The following SSPN variants were observed in gnomAD, a reference collection of about 807,000 sequenced individuals.
SSPN encodes the protein K-ras oncogene-associated protein.
SSPN carries 15 observed loss-of-function variants against 19.1 expected under a neutral mutation model. The observed-to-expected ratio is 0.78, with a 90% CI of 0.52 to 1.21. The LOEUF is 1.21. SSPN is among the 50% of genes most tolerant of loss of function. SSPN has a pLI of 0.00. For missense variants in SSPN, 291 were observed against 314.0 expected, an observed-to-expected ratio of 0.93 and a Z score of 0.55; for synonymous variants, 147 against 140.3, an observed-to-expected ratio of 1.05 and a Z score of -0.34.
chr12:26,152,984 C>T (rs1000882241), intron 1 of SSPN, among the ~76,000 whole-genome samples: 13 of 152,292 alleles, frequency 8.5e-5, no homozygotes, highest in Admixed American at 2.0e-4. Flanking sequence ...GCACTTGTTC[C>T]CTCTGCCAGG....
At chr12:26,174,475 GCTTCCTTC>G (rs763960839) in intron 1 of SSPN, among the ~76,000 whole-genome samples, 2 of 121,998 alleles carry the variant, frequency 1.6e-5, no homozygotes, top group South Asian at 3.2e-4. Context: ...TGCTACCCAC[GCTTCCTTC>G]CTTCCTTCCT....
upstream of SSPN, among the ~76,000 whole-genome samples, chr12:26,191,916 A>C (rs903402288): frequency 2.0e-5 from 3 of 152,154 alleles, no homozygotes; most frequent in South Asian, 6.2e-4. Context: ...CTTGATATAG[A>C]CCTTGGAAAT....
At chr12:26,151,420 C>T (rs1944524780) in intron 1 of SSPN, among the ~76,000 whole-genome samples, 1 of 152,158 alleles carries the variant, frequency 6.6e-6, no homozygotes. Flanking sequence ...TTTTCTCTTG[C>T]TGTTACCCAG....
chr12:26,185,230 T>C (rs1944745300), intron 1 of SSPN, among the ~76,000 whole-genome samples: 1 of 152,332 alleles, frequency 6.6e-6, no homozygotes, highest in East Asian at 1.9e-4. Context: ...AAACATTTAT[T>C]GAGTGCCTAA....
chr12:26,196,640 G>A (rs187706770), intron 1 of SSPN, among the ~76,000 whole-genome samples: 1 of 152,152 alleles, frequency 6.6e-6, no homozygotes. Flanking sequence ...AGCATACTTG[G>A]CTTGATTAAA....
chr12:26,158,392 G>A (rs183634196), intron 1 of SSPN, among the ~76,000 whole-genome samples: 5 of 151,976 alleles, frequency 3.3e-5, no homozygotes, highest in Admixed American at 1.3e-4. Flanking sequence ...ATATGTCAGC[G>A]TAGGGGCCTA....
At chr12:26,199,611 A>G (rs1218388039) in intron 1 of SSPN, among the ~76,000 whole-genome samples, 1 of 152,246 alleles carries the variant, frequency 6.6e-6, no homozygotes, top group East Asian at 1.9e-4. Flanking sequence ...TAGCTAAGTC[A>G]GATGGGAATT....
At chr12:26,189,919 T>C (rs1944777363) in intron 1 of SSPN, among the ~76,000 whole-genome samples, 1 of 152,212 alleles carries the variant, frequency 6.6e-6, no homozygotes, top group African/African-American at 2.4e-5. Context: ...GTATTTGCAT[T>C]TGCAGACCTA....
At chr12:26,130,273 T>C (rs977896539) in intron 1 of SSPN, among the ~76,000 whole-genome samples, 3 of 152,198 alleles carry the variant, frequency 2.0e-5, no homozygotes, top group African/African-American at 7.2e-5. Flanking sequence ...GTTTATGCAA[T>C]GTGAAGCACA....
rs1427951893 is a variant in SSPN at position 26,218,410 on chromosome 12, G to A, written c.280-5883G>A. ...GCTAGATGACGAGTTAGTGGGTGCA[G>A]CGCACCAGCATGGCACCTGTATACA... On this transcript the variant is annotated intron_variant, in intron 1 of 2. Coordinates refer to ENST00000242729, the MANE Select transcript of SSPN (RefSeq NM_005086.5). Among the ~76,000 whole-genome samples the A allele has an allele frequency of 9.0e-5, 10 of 110,754 alleles. No individual in the cohort carries two copies. In the South Asian group the frequency reaches 3.0e-3, roughly 34 times the overall value. 72.7% of individuals were successfully genotyped at this position (110,754 alleles called of 152,430 possible).
Position 26,231,181 on chromosome 12 carries a change from G to A in SSPN, c.*105G>A, listed in dbSNP as rs1278360039. The A allele has an allele frequency of 8.2e-6, 11 of 1,348,426 alleles. No homozygotes were observed. The Admixed American group carries it at 2.7e-4, about 33-fold the overall frequency. 83.5% of individuals were successfully genotyped at this position (1,348,426 alleles called of 1,614,324 possible). ...GAAAGGAAAAAAATTGACAATAAAA[G>A]TCACTCTTCTAATTGAATATTTTTA... is the stretch of plus-strand genomic sequence containing the variant. On this transcript the variant is annotated 3_prime_UTR_variant, in exon 3 of 3. Transcript: ENST00000242729.
intron 1 of SSPN, chr12:26,124,566 A>T: frequency 6.2e-7 from 1 of 1,614,128 alleles, no homozygotes; most frequent in Non-Finnish European, 8.5e-7. Flanking sequence ...CACATATACA[A>T]AGAGGAATAG....
Position 26,232,174 on chromosome 12 carries a change from TC to T in SSPN, c.*1100del. ...GGAAGATTGGGTAATGCTGATGTGT[TC>T]CATTCATGAAACTGTATTTGATACA... On this transcript the variant is annotated 3_prime_UTR_variant, in exon 3 of 3. Coordinates refer to ENST00000242729, the MANE Select transcript of SSPN (RefSeq NM_005086.5). 1 of 985,480 alleles carries T rather than the reference TC, an allele frequency of 1.0e-6. No individual in the cohort carries two copies. The highest frequency in any genetic ancestry group is 1.2e-6 in the Non-Finnish European group (1 of 829,932). 61.0% of individuals were successfully genotyped at this position (985,480 alleles called of 1,614,324 possible).
At chr12:26,196,007 G>T (rs1349180837) in intron 1 of SSPN, 56 bp downstream of exon 1, 2 of 1,365,882 alleles carry the variant, frequency 1.5e-6, no homozygotes, top group Non-Finnish European at 9.6e-7. Context: ...ATGCGAAGTC[G>T]CATGGTCGAG....
At chr12:26,221,461 T>C (rs1945119629) in intron 1 of SSPN, among the ~76,000 whole-genome samples, 1 of 152,236 alleles carries the variant, frequency 6.6e-6, no homozygotes. Context: ...CCCAGGATCA[T>C]ACAATAACAC....
chr12:26,204,075 T>A (rs1434311325), intron 1 of SSPN, among the ~76,000 whole-genome samples: 1 of 152,168 alleles, frequency 6.6e-6, no homozygotes, highest in Non-Finnish European at 1.5e-5. Context: ...CACAATTCAG[T>A]CCATAGCATT....
At chr12:26,198,470 A>G (rs1944850193) in intron 1 of SSPN, among the ~76,000 whole-genome samples, 1 of 151,968 alleles carries the variant, frequency 6.6e-6, no homozygotes, top group Non-Finnish European at 1.5e-5. Context: ...TGAGGATGAA[A>G]TAAATTAATA....
chr12:26,225,470 T>C (rs1455952640), intron 2 of SSPN, among the ~76,000 whole-genome samples: 1 of 152,080 alleles, frequency 6.6e-6, no homozygotes, highest in Non-Finnish European at 1.5e-5. Context: ...GCATAGAAAA[T>C]ACAATTATCT....
chr12:26,190,445 G>GGAAC (rs1944780326), upstream of SSPN, among the ~76,000 whole-genome samples: 1 of 152,198 alleles, frequency 6.6e-6, no homozygotes, highest in South Asian at 2.1e-4. Flanking sequence ...AGCTAAGACT[G>GGAAC]GAACCTCCTG....
Sources: gnomAD v4.1 joint callset for allele counts (sites outside exome capture counted in the v4.1 genomes callset) on GRCh38, gnomAD v4.1.1 for gene constraint, MANE v1.5 for transcripts, NCBI Gene and HGNC (gene_info 2026-07-23, HGNC 2026-07-21) for gene names.